Variants in PTGR2 observed in about 807,000 individuals in gnomAD.
PTGR2 encodes prostaglandin reductase 2, also known as 15-oxoprostaglandin 13-reductase.
In PTGR2, 32 loss-of-function variants were observed where a neutral mutation model predicts 43.4. The ratio of observed to expected loss-of-function variants is 0.74; its 90% CI spans 0.56 to 0.99. The LOEUF (loss-of-function observed/expected upper bound fraction) is 0.99. Ranked by LOEUF, PTGR2 falls within the 50% of genes least tolerant of loss-of-function variation. PTGR2 has a pLI of 0.00. For missense variants in PTGR2, 373 were observed against 420.0 expected (o/e 0.89, Z 0.98); for synonymous variants, 106 against 139.2 (o/e 0.76, Z 1.68).
intron 3 of PTGR2, among the ~76,000 whole-genome samples, chr14:73,870,032 GA>G (rs779998739): frequency 5.2e-4 from 75 of 143,298 alleles, no homozygotes; most frequent in East Asian, 6.0e-4. Context: ...GTCTCAGAGA[GA>G]AAAAAAAAAA....
At chr14:73,866,306 T>G (rs925080744) in intron 3 of PTGR2, among the ~76,000 whole-genome samples, 3 of 152,006 alleles carry the variant, frequency 2.0e-5, no homozygotes, top group Non-Finnish European at 4.4e-5. Flanking sequence ...GCCTGAACAA[T>G]TTTTTGTATT....
chr14:73,880,859 C>T (rs905675727), intron 7 of PTGR2, among the ~76,000 whole-genome samples: 3 of 152,052 alleles, frequency 2.0e-5, no homozygotes, highest in African/African-American at 2.4e-5. Flanking sequence ...TAAAGTGGCG[C>T]GATCGCAGCT....
intron 1 of PTGR2, among the ~76,000 whole-genome samples, chr14:73,855,493 C>A (rs529359686): frequency 2.0e-5 from 3 of 152,156 alleles, no homozygotes; most frequent in African/African-American, 7.2e-5. Flanking sequence ...GTCACCCAGA[C>A]TGGAGTACAG....
intron 4 of PTGR2, among the ~76,000 whole-genome samples, chr14:73,875,960 T>G (rs939303284): frequency 6.6e-6 from 1 of 151,592 alleles, no homozygotes; most frequent in African/African-American, 2.4e-5. Context: ...AGCTGGGTTT[T>G]GGGCACCCAC....
Position 73,885,618 on chromosome 14 carries a change from G to T in PTGR2, c.*1441G>T. ...TTCCTGGACCATTTCATCGCCTGAGGGGGTTTCACTTTTCTCTGTATGTTG... is the reference window on the plus strand; with the variant it reads ...TTCCTGGACCATTTCATCGCCTGAGTGGGTTTCACTTTTCTCTGTATGTTG... On this transcript the variant is annotated 3_prime_UTR_variant, in exon 10 of 10. Transcript: ENST00000555661. The T allele has an allele frequency of 6.6e-6, 1 of 152,168 alleles. No individual in the cohort carries two copies. 9.4% of individuals were successfully genotyped at this position (152,168 alleles called of 1,614,324 possible).
chr14:73,883,621 G>A (rs1566644265), intron 9 of PTGR2, among the ~76,000 whole-genome samples: 1 of 151,892 alleles, frequency 6.6e-6, no homozygotes. Flanking sequence ...GAGTAGCTGG[G>A]ACTACAGGCA....
At chr14:73,854,590 T>C (rs1005220507) in intron 1 of PTGR2, among the ~76,000 whole-genome samples, 1 of 152,212 alleles carries the variant, frequency 6.6e-6, no homozygotes, top group African/African-American at 2.4e-5. Flanking sequence ...CATATTAATA[T>C]GTTAAACAAA....
At chr14:73,883,360 CTT>C (rs111478120) in intron 9 of PTGR2, among the ~76,000 whole-genome samples, 114 of 141,988 alleles carry the variant, frequency 8.0e-4, no homozygotes, top group Non-Finnish European at 9.2e-4. Context: ...TATGCCCAAC[CTT>C]TTTTTTTTTT....
At chr14:73,882,993 G>A (rs928936558) in intron 9 of PTGR2, among the ~76,000 whole-genome samples, 1 of 149,324 alleles carries the variant, frequency 6.7e-6, no homozygotes, top group African/African-American at 2.5e-5. Flanking sequence ...GCTAATTTTT[G>A]TATTTTTAGT....
chr14:73,882,800 C>CTTTTTT lies in PTGR2; in HGVS notation c.979+395_979+400dup, dbSNP rs35651032. 5.5e-4 allele frequency among the ~76,000 whole-genome samples: 23 copies of CTTTTTT among 41,868 alleles called. 7 individuals carry two copies. Among genetic ancestry groups the CTTTTTT allele is most frequent in the Non-Finnish European group, 8.7e-4 (19 of 21,900 alleles). 27.5% of individuals were successfully genotyped at this position (41,868 alleles called of 152,430 possible). On this transcript the variant is annotated intron_variant, in intron 9 of 9. Coordinates refer to ENST00000555661, the MANE Select transcript of PTGR2 (RefSeq NM_001146154.2). The stretch of plus-strand genomic sequence containing the variant: ...CAAGCGTGAGCCACCACGCCTGGCC[C>CTTTTTT]TTTTTTTTTTTTTTTTTTTTTTTTT...
chr14:73,853,003 G>A (rs956744033), intron 1 of PTGR2, among the ~76,000 whole-genome samples: 3 of 151,948 alleles, frequency 2.0e-5, no homozygotes, highest in African/African-American at 7.3e-5. Flanking sequence ...TGTATTTTTA[G>A]TAGAGCGGGG....
At chr14:73,855,828 C>T (rs918026513) in intron 1 of PTGR2, among the ~76,000 whole-genome samples, 10 of 147,842 alleles carry the variant, frequency 6.8e-5, no homozygotes, top group South Asian at 4.7e-4. Context: ...GAGGCCGAGG[C>T]GGGTGGATCA....
rs1370650164 is a variant in PTGR2, at chr14:73,879,338, A to G, written c.729+33A>G. The G allele has an allele frequency of 2.5e-6, 4 of 1,572,652 alleles. No homozygotes were observed. The African/African-American group carries it at 4.1e-5, about 16-fold the overall frequency. ...GCTGATTTCTATAACAAATTTGAATACTGCACTTTATATGTTGTGATATCT... is the reference window on the plus strand; with the variant it reads ...GCTGATTTCTATAACAAATTTGAATGCTGCACTTTATATGTTGTGATATCT... On this transcript the variant is annotated intron_variant, in intron 6 of 9. Coordinates refer to ENST00000555661, the MANE Select transcript of PTGR2 (RefSeq NM_001146154.2).
In PTGR2 at chr14:73,874,152, G is replaced by T. The variant is rs1171523026; in HGVS notation, c.286G>T (p.Val96Leu). ...KHTNLTKGDFVTSFYWPWQTK... is the reference protein window; with the variant it reads ...KHTNLTKGDFLTSFYWPWQTK... ...CACAAATTTGACTAAAGGCGATTTT[G>T]TGACTTCTTTCTATTGGCCCTGGCA... The change falls in exon 4 of 10, where the codon GTG becomes TTG. Residue 96 changes from valine to leucine, a missense_variant. Coordinates refer to ENST00000555661, the MANE Select transcript of PTGR2 (RefSeq NM_001146154.2). 5 of 1,613,944 alleles carry T rather than the reference G, an allele frequency of 3.1e-6. No individual in the cohort carries two copies. The South Asian group carries it at 5.5e-5, about 18-fold the overall frequency.
At chr14:73,876,315 C>G (rs2054863711) in intron 4 of PTGR2, among the ~76,000 whole-genome samples, 1 of 152,014 alleles carries the variant, frequency 6.6e-6, no homozygotes, top group Non-Finnish European at 1.5e-5. Flanking sequence ...TCTCACAGTT[C>G]TGGAAGCTAA....
At chr14:73,877,631 C>G (rs2054895500) in intron 5 of PTGR2, 1 of 151,444 alleles carries the variant, frequency 6.6e-6, no homozygotes, top group African/African-American at 2.4e-5. Context: ...TTTTTACCTA[C>G]TTAGACTCTC....
chr14:73,878,976 G>A (rs769205821), intron 5 of PTGR2, 120 bp from the exon 6 acceptor site: 56 of 761,988 alleles, frequency 7.3e-5, no homozygotes, highest in Non-Finnish European at 1.1e-4. Flanking sequence ...TAAAAGCAGC[G>A]TAATCTAACC....
chr14:73,864,949 T>G (rs1462766172), intron 3 of PTGR2, among the ~76,000 whole-genome samples: 1 of 152,188 alleles, frequency 6.6e-6, no homozygotes, highest in Admixed American at 6.6e-5. Flanking sequence ...AACATTTAAG[T>G]CAGTAACACA....
At chr14:73,858,442 A>G (rs1415150942) in intron 1 of PTGR2, 1 of 159,704 alleles carries the variant, frequency 6.3e-6, no homozygotes, top group South Asian at 1.8e-4. Context: ...CGTCCCATCT[A>G]CTCGGGAGGC....
Sources: gnomAD v4.1 joint callset for allele counts (sites outside exome capture counted in the v4.1 genomes callset) on GRCh38, gnomAD v4.1.1 for gene constraint, MANE v1.5 for transcripts, NCBI Gene and HGNC (gene_info 2026-07-23, HGNC 2026-07-21) for gene names.